Variants in KCNK13 observed in about 807,000 individuals in gnomAD.
The protein encoded by KCNK13 is potassium two pore domain channel subfamily K member 13.
Under a neutral mutation model 23.4 loss-of-function variants are expected in KCNK13, and 12 were observed. The ratio of observed to expected loss-of-function variants is 0.51; its 90% CI spans 0.33 to 0.83. The LOEUF (loss-of-function observed/expected upper bound fraction) is 0.83. Ranked by LOEUF, KCNK13 falls within the 40% of genes least tolerant of loss-of-function variation. KCNK13 has a pLI of 0.02. For synonymous variants in KCNK13, 231 were observed against 229.5 expected (o/e 1.01, Z -0.06); for missense variants, 463 against 556.3 (o/e 0.83, Z 1.69).
At position 90,134,035 on chromosome 14, in the gene KCNK13, A is replaced by G. The variant is rs149421550; in HGVS notation, c.335-50076A>G. On this transcript the variant is annotated intron_variant, in intron 1 of 1. Transcript: ENST00000282146. ...AACAATGTGGCTGAAACCCTGGGACATAGGCCAGATACTTCTACCAAGCAT... is the reference window on the plus strand; with the variant it reads ...AACAATGTGGCTGAAACCCTGGGACGTAGGCCAGATACTTCTACCAAGCAT... 4.5e-3 allele frequency among the ~76,000 whole-genome samples: 693 copies of G among 152,318 alleles called. 4 individuals are homozygous for G. Among genetic ancestry groups the G allele is most frequent in the Non-Finnish European group, 7.7e-3 (525 of 68,030 alleles).
chr14:90,098,242 C>A (rs1314358796), intron 1 of KCNK13, among the ~76,000 whole-genome samples: 1 of 152,220 alleles, frequency 6.6e-6, no homozygotes, highest in Non-Finnish European at 1.5e-5. Flanking sequence ...TTATTAATGA[C>A]TATTTCATTG....
chr14:90,069,801 T>C (rs1207220207), intron 1 of KCNK13, among the ~76,000 whole-genome samples: 2 of 152,170 alleles, frequency 1.3e-5, no homozygotes, highest in African/African-American at 2.4e-5. Context: ...CCTTATGGGA[T>C]AGGCAGGGAA....
chr14:90,104,946 T>G (rs955730300), intron 1 of KCNK13, among the ~76,000 whole-genome samples: 1 of 90,834 alleles, frequency 1.1e-5, no homozygotes, highest in Non-Finnish European at 2.2e-5. Flanking sequence ...TGCACCACCA[T>G]GCCTGGCTAA....
intron 1 of KCNK13, among the ~76,000 whole-genome samples, chr14:90,154,100 T>C (rs1436620799): frequency 6.6e-6 from 1 of 152,176 alleles, no homozygotes; most frequent in African/African-American, 2.4e-5. Context: ...TTAGGCAGCA[T>C]GTGCTCTATT....
rs371817350 is a variant in KCNK13 at position 90,093,719 on chromosome 14, G to A, written c.334+31180G>A. Among the ~76,000 whole-genome samples, 11 of 152,276 alleles carry A rather than the reference G, an allele frequency of 7.2e-5. 2 individuals are homozygous for A. The highest frequency in any genetic ancestry group is 2.6e-4 in the Admixed American group (4 of 15,292). On this transcript the variant is annotated intron_variant, in intron 1 of 1. Transcript: ENST00000282146. ...TCACTTGCAGAGAACATTATGGGCT[G>A]TCTCAGTTCCATAGGGTGGCATCCC...
chr14:90,184,632 TC>T lies in KCNK13; in HGVS notation c.858del (p.Leu287Ter). 1 of 1,614,200 alleles carries T rather than the reference TC, an allele frequency of 6.2e-7. No homozygotes were observed. The highest frequency in any genetic ancestry group is 8.5e-7 in the Non-Finnish European group (1 of 1,180,034). ...FNVISILIKQ[S>X]LNWILRKMDS... Reference sequence around the variant, plus strand: ...TGTCATCTCTATCCTCATCAAACAGTCCTTGAACTGGATCCTGAGGAAAATG... The same window carrying T: ...TGTCATCTCTATCCTCATCAAACAGTCTTGAACTGGATCCTGAGGAAAATG... On this transcript the variant is annotated frameshift_variant, in exon 2 of 2. Coordinates refer to ENST00000282146, the MANE Select transcript of KCNK13 (RefSeq NM_022054.4). LOFTEE classifies it low-confidence loss of function (END_TRUNC). The surrounding 1 kb of genome is among the most constrained non-coding windows in gnomAD (Gnocchi z 5.6).
intron 1 of KCNK13, among the ~76,000 whole-genome samples, chr14:90,155,765 G>A (rs1435667702): frequency 6.6e-6 from 1 of 152,136 alleles, no homozygotes; most frequent in African/African-American, 2.4e-5. Flanking sequence ...ACTGTGGGTG[G>A]ATCAGATTGG....
intron 1 of KCNK13, among the ~76,000 whole-genome samples, chr14:90,073,153 C>T (rs561886271): frequency 4.6e-5 from 7 of 152,280 alleles, no homozygotes; most frequent in African/African-American, 1.4e-4. Context: ...AAAGTGACCA[C>T]GTGTGGTCTC....
At chr14:90,177,691 G>A (rs1217869281) in intron 1 of KCNK13, among the ~76,000 whole-genome samples, 1 of 152,136 alleles carries the variant, frequency 6.6e-6, no homozygotes, top group Non-Finnish European at 1.5e-5. Context: ...GTAACTCTTG[G>A]TATGAAGGGA....
chr14:90,163,046 T>C (rs542956070), intron 1 of KCNK13, among the ~76,000 whole-genome samples: 42 of 152,288 alleles, frequency 2.8e-4, no homozygotes, highest in African/African-American at 9.6e-4. Flanking sequence ...AAGCAGAAAC[T>C]GCTGGAGAAA....
intron 1 of KCNK13, among the ~76,000 whole-genome samples, chr14:90,070,778 G>A (rs556488568): frequency 2.0e-5 from 3 of 152,310 alleles, no homozygotes; most frequent in South Asian, 4.1e-4. Context: ...ACAATGGCAG[G>A]TGCGTTTGGA....
chr14:90,104,791 C>CTT lies in KCNK13; in HGVS notation c.334+42269_334+42270dup, dbSNP rs66511223. Among the ~76,000 whole-genome samples the CTT allele has an allele frequency of 5.6e-3, 636 of 113,492 alleles. 13 individuals are homozygous for CTT. The highest frequency in any genetic ancestry group is 0.016 in the South Asian group (53 of 3,274). 74.5% of individuals were successfully genotyped at this position (113,492 alleles called of 152,430 possible). ...GGGATCAGCTACTTTCTTTTCTTTT[C>CTT]TTTTTTTTTTTTTTTTTTGAGAGAG... On this transcript the variant is annotated intron_variant, in intron 1 of 1. Coordinates refer to ENST00000282146, the MANE Select transcript of KCNK13 (RefSeq NM_022054.4).
At position 90,179,638 on chromosome 14, in the gene KCNK13, C is replaced by T. The variant is rs539504032; in HGVS notation, c.335-4473C>T. 6.6e-5 allele frequency among the ~76,000 whole-genome samples: 10 copies of T among 152,286 alleles called. No individual in the cohort carries two copies. The East Asian group carries it at 9.7e-4, about 15-fold the overall frequency. On this transcript the variant is annotated intron_variant, in intron 1 of 1. Transcript: ENST00000282146. Reference sequence around the variant, plus strand: ...GCCAATCTCATTCGCCGTTGGTTCTCGATCCACTCATCAGCTCCCAGACTC... The same window carrying T: ...GCCAATCTCATTCGCCGTTGGTTCTTGATCCACTCATCAGCTCCCAGACTC...
chr14:90,130,444 C>T (rs1287872125), intron 1 of KCNK13, among the ~76,000 whole-genome samples: 1 of 151,838 alleles, frequency 6.6e-6, no homozygotes, highest in Non-Finnish European at 1.5e-5. Context: ...AAATAATCTG[C>T]CCGCCTCGGC....
At chr14:90,096,711 A>G (rs879876745) in intron 1 of KCNK13, among the ~76,000 whole-genome samples, 1 of 152,198 alleles carries the variant, frequency 6.6e-6, no homozygotes, top group Non-Finnish European at 1.5e-5. Flanking sequence ...GAGACTCACA[A>G]CAGTGCTAGG....
At chr14:90,149,538 C>T (rs1274876911) in intron 1 of KCNK13, among the ~76,000 whole-genome samples, 6 of 152,188 alleles carry the variant, frequency 3.9e-5, no homozygotes, top group Non-Finnish European at 8.8e-5. Context: ...GATTCACTAT[C>T]ACAAGAATAG....
At chr14:90,078,187 G>A (rs1474986524) in intron 1 of KCNK13, among the ~76,000 whole-genome samples, 3 of 152,162 alleles carry the variant, frequency 2.0e-5, no homozygotes, top group East Asian at 1.9e-4. Context: ...TTGGGAGGCC[G>A]AGGTGGGCAG....
At chr14:90,087,149 TATATA>T (rs1335006023) in intron 1 of KCNK13, among the ~76,000 whole-genome samples, 1,498 of 114,158 alleles carry the variant, frequency 0.013, 29 homozygotes, top group African/African-American at 0.047. Context: ...TATATATATA[TATATA>T]TTTTTTTTTT....
chr14:90,154,450 T>C (rs1296092573), intron 1 of KCNK13, among the ~76,000 whole-genome samples: 1 of 152,078 alleles, frequency 6.6e-6, no homozygotes, highest in Non-Finnish European at 1.5e-5. Context: ...CCTGCTTCTC[T>C]ACCCACAATG....
Sources: allele counts gnomAD v4.1 joint callset (sites outside exome capture counted in the v4.1 genomes callset), GRCh38; gene constraint gnomAD v4.1.1; non-coding constraint Gnocchi (gnomAD v3.1); transcripts MANE v1.5; gene names NCBI Gene and HGNC (gene_info 2026-07-23, HGNC 2026-07-21).